HPSE2: variants seen among roughly 807,000 people sequenced by gnomAD.
HPSE2 encodes the protein inactive heparanase-2.
Under a neutral mutation model 60.5 loss-of-function variants are expected in HPSE2, and 38 were observed. The ratio of observed to expected loss-of-function variants is 0.63; its 90% CI spans 0.48 to 0.82. The LOEUF (loss-of-function observed/expected upper bound fraction) is 0.82. Ranked by LOEUF, HPSE2 falls within the 40% of genes least tolerant of loss-of-function variation. HPSE2 has a pLI of 0.00. For synonymous variants in HPSE2, 295 were observed against 293.2 expected (o/e 1.01, Z -0.06); for missense variants, 713 against 740.4 (o/e 0.96, Z 0.43).
intron 3 of HPSE2, among the ~76,000 whole-genome samples, chr10:98,902,679 G>T (rs1590045687): frequency 2.0e-5 from 3 of 152,074 alleles, no homozygotes; most frequent in East Asian, 3.9e-4. Context: ...AACATATACT[G>T]ATTTTTGGTG....
At chr10:98,969,702 G>GTT (rs903055699) in intron 3 of HPSE2, among the ~76,000 whole-genome samples, 3 of 152,142 alleles carry the variant, frequency 2.0e-5, no homozygotes, top group African/African-American at 7.2e-5. Context: ...TGTCCTGAGG[G>GTT]TTTGTACTAT....
chr10:98,938,208 C>T (rs1954868748), intron 3 of HPSE2, among the ~76,000 whole-genome samples: 1 of 144,980 alleles, frequency 6.9e-6, no homozygotes, highest in Admixed American at 6.8e-5. Context: ...GAACGCAGTT[C>T]CTCACCAGCA....
rs1035059474 is a variant in HPSE2 at position 99,072,704 on chromosome 10, T to A, written c.610+71534A>T. 8.5e-5 allele frequency among the ~76,000 whole-genome samples: 13 copies of A among 152,074 alleles called. No homozygotes were observed. The East Asian group carries it at 2.5e-3, about 29-fold the overall frequency. On this transcript the variant is annotated intron_variant, in intron 3 of 11. Coordinates refer to ENST00000370552, the MANE Select transcript of HPSE2 (RefSeq NM_021828.5). ...ACTTTGGGAGGCCAAGGCGGGTGGA[T>A]AACAGGGTCAAGAGATAGAGATCAT...
rs370036009 is a variant in HPSE2 at position 98,745,064 on chromosome 10, C to T, written c.611-1008G>A. Among the ~76,000 whole-genome samples the T allele has an allele frequency of 6.9e-4, 105 of 151,978 alleles. 1 individual carries two copies. In the South Asian group the frequency reaches 0.021, roughly 30 times the overall value. ...AAAAATACAAAAAATTAGCCAGGCG[C>T]GGTGGCGGCTGCCTGTAGTCCCAGC... On this transcript the variant is annotated intron_variant, in intron 3 of 11. Transcript: ENST00000370552.
intron 10 of HPSE2, 45 bp from the exon 11 acceptor site, chr10:98,482,827 G>A (rs1233256448): frequency 6.2e-7 from 1 of 1,600,978 alleles, no homozygotes; most frequent in Admixed American, 1.7e-5. Context: ...AAACAAAGTG[G>A]TCAGTTAGAT....
intron 2 of HPSE2, among the ~76,000 whole-genome samples, chr10:99,191,196 G>A (rs1848209614): frequency 6.6e-6 from 1 of 151,986 alleles, no homozygotes; most frequent in Non-Finnish European, 1.5e-5. Flanking sequence ...GGGGCTGGGG[G>A]GTAGTTCGCC....
intron 3 of HPSE2, among the ~76,000 whole-genome samples, chr10:98,867,967 C>G (rs1311827692): frequency 2.0e-5 from 3 of 151,822 alleles, no homozygotes; most frequent in African/African-American, 7.3e-5. Context: ...GAGGGTGAGG[C>G]GGGAGAATCA....
intron 3 of HPSE2, among the ~76,000 whole-genome samples, chr10:99,025,686 A>C (rs1242391615): frequency 6.6e-6 from 1 of 152,088 alleles, no homozygotes; most frequent in African/African-American, 2.4e-5. Context: ...AACAACAGAC[A>C]CTGGGTATAC....
In HPSE2 at chr10:99,096,625, T is replaced by A. The variant is rs527520301; in HGVS notation, c.610+47613A>T. Reference sequence around the variant, plus strand: ...CTTTTCCATTTAGGGATAATCCATATCATTGGACATTAAAATGTTTCCCAG... The same window carrying A: ...CTTTTCCATTTAGGGATAATCCATAACATTGGACATTAAAATGTTTCCCAG... On this transcript the variant is annotated intron_variant, in intron 3 of 11. Coordinates refer to ENST00000370552, the MANE Select transcript of HPSE2 (RefSeq NM_021828.5). 3.9e-5 allele frequency among the ~76,000 whole-genome samples: 6 copies of A among 152,304 alleles called. No homozygotes were observed. The South Asian group carries it at 1.2e-3, about 32-fold the overall frequency.
chr10:98,534,682 G>A (rs1943229136), intron 9 of HPSE2, among the ~76,000 whole-genome samples: 1 of 152,194 alleles, frequency 6.6e-6, no homozygotes, highest in Admixed American at 6.5e-5. Context: ...TGGGATTACA[G>A]GCATGAACCA....
At chr10:98,952,361 A>AGTGTGTGTGTGT (rs1955388378) in intron 3 of HPSE2, among the ~76,000 whole-genome samples, 1 of 115,758 alleles carries the variant, frequency 8.6e-6, no homozygotes, top group African/African-American at 3.7e-5. Flanking sequence ...TGTGTGTGTC[A>AGTGTGTGTGTGT]GGGTGGGTAT....
rs572341910 is a variant in HPSE2, at chr10:98,517,320, A to T, written c.1321-27124T>A. Among the ~76,000 whole-genome samples the T allele has an allele frequency of 2.6e-5, 4 of 152,270 alleles. No homozygotes were observed. In the East Asian group the frequency reaches 7.7e-4, roughly 29 times the overall value. The stretch of plus-strand genomic sequence containing the variant: ...ATAACAACCAAAAATGTCTCCAGAC[A>T]TTGCTAAATGTCCCTTGGGGAGCAA... On this transcript the variant is annotated intron_variant, in intron 9 of 11. Transcript: ENST00000370552.
At chr10:98,465,900 T>G (rs6584206) in intron 11 of HPSE2, among the ~76,000 whole-genome samples, 2 of 152,000 alleles carry the variant, frequency 1.3e-5, no homozygotes, top group South Asian at 4.1e-4. Flanking sequence ...GTCTGAGTTA[T>G]TTTCCAATCC....
chr10:98,546,127 C>G (rs1943664844), intron 9 of HPSE2, among the ~76,000 whole-genome samples: 1 of 134,912 alleles, frequency 7.4e-6, no homozygotes, highest in Non-Finnish European at 1.7e-5. Context: ...AGGAGAACTA[C>G]AAGCCACTGC....
intron 9 of HPSE2, among the ~76,000 whole-genome samples, chr10:98,557,402 G>A (rs1017911354): frequency 1.3e-5 from 2 of 152,142 alleles, no homozygotes; most frequent in Non-Finnish European, 2.9e-5. Flanking sequence ...AATAAATGCT[G>A]TTGAGTCAAT....
the HPSE2 span, among the ~76,000 whole-genome samples, chr10:99,250,498 A>G: frequency 4.6e-5 from 7 of 152,160 alleles, no homozygotes; most frequent in Non-Finnish European, 8.8e-5. Flanking sequence ...CACTTGACCA[A>G]TTATACCTAG....
intron 3 of HPSE2, among the ~76,000 whole-genome samples, chr10:99,101,546 T>G (rs1282580153): frequency 6.6e-6 from 1 of 152,150 alleles, no homozygotes; most frequent in East Asian, 1.9e-4. Context: ...AATGGGAAAC[T>G]TTAACACCCC....
chr10:98,805,961 G>A (rs1951032586), intron 3 of HPSE2, among the ~76,000 whole-genome samples: 1 of 152,158 alleles, frequency 6.6e-6, no homozygotes, highest in African/African-American at 2.4e-5. Flanking sequence ...TCTATATAGA[G>A]AATGTAAGAA....
At chr10:98,636,574 C>A (rs1300910182) in intron 7 of HPSE2, among the ~76,000 whole-genome samples, 1 of 152,060 alleles carries the variant, frequency 6.6e-6, no homozygotes, top group African/African-American at 2.4e-5. Flanking sequence ...ACATTGTATA[C>A]ACGTATTGCA....
Sources: allele counts gnomAD v4.1 joint callset (sites outside exome capture counted in the v4.1 genomes callset), GRCh38; gene constraint gnomAD v4.1.1; transcripts MANE v1.5; gene names NCBI Gene and HGNC (gene_info 2026-07-23, HGNC 2026-07-21).